The following DCST1 variants were observed in gnomAD, a reference collection of about 807,000 sequenced individuals.
DCST1 encodes E3 ubiquitin-protein ligase DCST1.
In DCST1, 78 loss-of-function variants were observed where a neutral mutation model predicts 89.1. The ratio of observed to expected loss-of-function variants is 0.88; its 90% CI spans 0.73 to 1.06. The LOEUF is 1.06. DCST1 is among the 50% of genes least tolerant of loss of function. DCST1 has a pLI of 0.00. For missense variants in DCST1, 900 were observed against 928.6 expected, an observed-to-expected ratio of 0.97 and a Z score of 0.40; for synonymous variants, 364 against 371.9, an observed-to-expected ratio of 0.98 and a Z score of 0.24.
At chr1:155,037,667 C>T (rs1660315779) in intron 4 of DCST1, among the ~76,000 whole-genome samples, 2 of 151,862 alleles carry the variant, frequency 1.3e-5, no homozygotes, top group African/African-American at 4.8e-5. Context: ...AAACTCCTGA[C>T]CTCAAGTGAT....
chr1:155,046,560 C>T (rs1304215153), intron 13 of DCST1, 74 bp downstream of exon 13: 5 of 1,528,254 alleles, frequency 3.3e-6, no homozygotes, highest in Non-Finnish European at 4.5e-6. Context: ...GCACAGCCAC[C>T]CCACCCTAGT....
intron 5 of DCST1, among the ~76,000 whole-genome samples, chr1:155,040,035 T>C (rs1571561130): frequency 8.7e-6 from 1 of 115,282 alleles, no homozygotes; most frequent in Admixed American, 1.1e-4. Context: ...CCAGGCACGG[T>C]GGCTCACCTG....
At chr1:155,041,921 G>A in intron 8 of DCST1, 64 bp downstream of exon 8, 1 of 1,598,432 alleles carries the variant, frequency 6.3e-7, no homozygotes, top group Non-Finnish European at 8.5e-7. Flanking sequence ...GGGACCCACT[G>A]GTAGGTGACA....
chr1:155,044,650 C>T (rs1050348218), intron 10 of DCST1, among the ~76,000 whole-genome samples: 2 of 152,170 alleles, frequency 1.3e-5, no homozygotes, highest in Non-Finnish European at 2.9e-5. Context: ...GCCGCAGATG[C>T]GGAACGGTGG....
intron 13 of DCST1, 37 bp downstream of exon 13, chr1:155,046,523 G>A (rs773814647): frequency 6.3e-6 from 10 of 1,599,484 alleles, no homozygotes; most frequent in South Asian, 1.1e-5. Context: ...AGGCCCAAGA[G>A]ACACCCTCTG....
Position 155,037,287 on chromosome 1 carries a change from T to C in DCST1, c.263-2116T>C, listed in dbSNP as rs541925145. ...GTCTAGTCTACAGAGACCAGGCAGG[T>C]TCCCCTTCCTGCAGCGCCAGTCCCT... On this transcript the variant is annotated intron_variant, in intron 4 of 16. Coordinates refer to ENST00000295542, the MANE Select transcript of DCST1 (RefSeq NM_152494.4). Among the ~76,000 whole-genome samples, 176 of 151,968 alleles carry C rather than the reference T, an allele frequency of 1.2e-3. 1 individual carries two copies. Among genetic ancestry groups the C allele is most frequent in the African/African-American group, 4.1e-3 (168 of 41,436 alleles).
chr1:155,041,330 G>GC, intron 6 of DCST1, 67 bp from the exon 7 acceptor site: 1 of 1,541,210 alleles, frequency 6.5e-7, no homozygotes, highest in Non-Finnish European at 8.9e-7. Flanking sequence ...GGGAGGACAG[G>GC]CCCTCAGGCA....
At chr1:155,045,525 C>A (rs1472691315) in intron 10 of DCST1, 6 of 253,868 alleles carry the variant, frequency 2.4e-5, no homozygotes, top group Non-Finnish European at 4.6e-5. Context: ...AAGGAGTTTC[C>A]CCCTCTCTGT....
intron 16 of DCST1, 36 bp from the exon 17 acceptor site, chr1:155,050,581 G>C (rs374325729): frequency 1.3e-6 from 2 of 1,534,824 alleles, no homozygotes; most frequent in Non-Finnish European, 1.7e-6. Context: ...TTCCCGCCTC[G>C]CTCCCGGGCT....
At chr1:155,042,144 A>G (rs1206236715) in intron 8 of DCST1, among the ~76,000 whole-genome samples, 1 of 151,932 alleles carries the variant, frequency 6.6e-6, no homozygotes, top group Non-Finnish European at 1.5e-5. Flanking sequence ...TGTCACCCAG[A>G]CTGGAGTGCA....
intron 2 of DCST1, 100 bp downstream of exon 2, chr1:155,034,197 G>A (rs1307650566): frequency 1.9e-5 from 30 of 1,548,388 alleles, no homozygotes; most frequent in Non-Finnish European, 2.1e-5. Context: ...CGGTGTCCGC[G>A]CCTCCACCAC....
chr1:155,041,254 G>C (rs1660432190), intron 6 of DCST1, 143 bp from the exon 7 acceptor site: 1 of 791,596 alleles, frequency 1.3e-6, no homozygotes, highest in Non-Finnish European at 2.0e-6. Context: ...TTTGAGGTGA[G>C]AGGCTGTGTC....
intron 4 of DCST1, among the ~76,000 whole-genome samples, chr1:155,038,052 A>G (rs1660325753): frequency 6.6e-6 from 1 of 151,978 alleles, no homozygotes; most frequent in Non-Finnish European, 1.5e-5. Flanking sequence ...AAGAAGGCAC[A>G]AAAAAAACTG....
chr1:155,033,883 TC>T (rs1285535866), intron 1 of DCST1, 29 bp downstream of exon 1: 10 of 1,281,540 alleles, frequency 7.8e-6, no homozygotes, highest in Non-Finnish European at 1.1e-5. Context: ...TCCCCACTTC[TC>T]GGAGCAGAAG....
intron 14 of DCST1, 87 bp downstream of exon 14, chr1:155,047,399 G>A (rs1157270345): frequency 3.2e-6 from 4 of 1,239,026 alleles, no homozygotes; most frequent in Non-Finnish European, 3.5e-6. Flanking sequence ...TTAGGGGCCT[G>A]GGCCTTGGGT....
At position 155,041,886 on chromosome 1, in the gene DCST1, C is replaced by T. The variant is rs759199441; in HGVS notation, c.892+29C>T. On this transcript the variant is annotated intron_variant, in intron 8 of 16. Transcript: ENST00000295542. ...TGCACAGTTGCAAAGGGGTGGGGAG[C>T]ATCGGGGTAGGGAGCTGAGTCCTTG... 2.5e-6 allele frequency: 4 copies of T among 1,613,284 alleles called. No homozygotes were observed. The East Asian group carries it at 6.7e-5, about 27-fold the overall frequency.
intron 16 of DCST1, 31 bp from the exon 17 acceptor site, chr1:155,050,586 C>T: frequency 1.3e-6 from 2 of 1,545,898 alleles, no homozygotes; most frequent in Middle Eastern, 4.6e-4. Flanking sequence ...GCCTCGCTCC[C>T]GGGCTGGCGC....
At chr1:155,035,511 C>T (rs190893311) in intron 4 of DCST1, among the ~76,000 whole-genome samples, 50 of 152,294 alleles carry the variant, frequency 3.3e-4, no homozygotes, top group African/African-American at 1.2e-3. Context: ...ACTCAGGTTC[C>T]TTCTGTCTTT....
intron 13 of DCST1, among the ~76,000 whole-genome samples, chr1:155,046,777 T>C (rs1660654383): frequency 6.6e-6 from 1 of 151,958 alleles, no homozygotes. Flanking sequence ...AGCTAATTTT[T>C]CTATTTTTAG....
Sources: gnomAD v4.1 joint callset for allele counts (sites outside exome capture counted in the v4.1 genomes callset) on GRCh38, gnomAD v4.1.1 for gene constraint, MANE v1.5 for transcripts, NCBI Gene and HGNC (gene_info 2026-07-23, HGNC 2026-07-21) for gene names.